ATP6V0D2: variants seen among roughly 807,000 people sequenced by gnomAD.
ATP6V0D2 encodes the protein ATPase H+ transporting V0 subunit d2, also known as V-type proton ATPase subunit d 2.
Under a neutral mutation model 40.0 loss-of-function variants are expected in ATP6V0D2, and 40 were observed. That is an observed-to-expected ratio of 1.00 (90% confidence interval 0.78 to 1.30). The LOEUF (loss-of-function observed/expected upper bound fraction) is 1.30, where lower values mean the gene tolerates loss of function less well. Among genes scored for constraint, ATP6V0D2 ranks in the 50% most tolerant of loss-of-function variants. The pLI, the probability that ATP6V0D2 is intolerant of heterozygous loss-of-function variation, is 0.00. For synonymous variants in ATP6V0D2, 179 were observed against 156.3 expected (o/e 1.15, Z -1.08); for missense variants, 470 against 423.1 (o/e 1.11, Z -0.97).
chr8:86,127,905 C>T (rs1437467763), intron 2 of ATP6V0D2, among the ~76,000 whole-genome samples: 1 of 152,144 alleles, frequency 6.6e-6, no homozygotes, highest in Non-Finnish European at 1.5e-5. Flanking sequence ...CTGTAGCAAT[C>T]AAGGCCTGAT....
At chr8:86,103,265 G>A (rs1204447256) in intron 1 of ATP6V0D2, among the ~76,000 whole-genome samples, 1 of 150,508 alleles carries the variant, frequency 6.6e-6, no homozygotes, top group Non-Finnish European at 1.5e-5. Context: ...TTACAGGCAT[G>A]TGCCACCATG....
In ATP6V0D2 at chr8:86,123,657, T is replaced by C. The variant is rs547071732; in HGVS notation, c.302+9777T>C. 4.2e-4 allele frequency among the ~76,000 whole-genome samples: 64 copies of C among 152,296 alleles called. No homozygotes were observed. The South Asian group carries it at 4.6e-3, about 11-fold the overall frequency. On this transcript the variant is annotated intron_variant, in intron 2 of 7. Coordinates refer to ENST00000285393, the MANE Select transcript of ATP6V0D2 (RefSeq NM_152565.1). ...GAAAGCAGACAATAATTCCTGGGAA[T>C]TCTAAGTTAAGGAAAGAAAGGATTT...
rs550666723 is a variant in ATP6V0D2 at position 86,141,207 on chromosome 8, G to A, written c.482-243G>A. Among the ~76,000 whole-genome samples the A allele has an allele frequency of 1.4e-4, 22 of 152,332 alleles. No homozygotes were observed. In the East Asian group the frequency reaches 3.9e-3, roughly 27 times the overall value. ...TCAGTTACTAACAGGCCACGGACTG[G>A]TGTTGGTCTGTGGCCTGGGGGTTGG... On this transcript the variant is annotated intron_variant, in intron 3 of 7. Coordinates refer to ENST00000285393, the MANE Select transcript of ATP6V0D2 (RefSeq NM_152565.1).
chr8:86,117,353 T>G (rs371354359), intron 2 of ATP6V0D2, among the ~76,000 whole-genome samples: 2 of 152,190 alleles, frequency 1.3e-5, no homozygotes. Flanking sequence ...CATTTAAAAC[T>G]TTGGTCCATT....
At chr8:86,129,020 C>T (rs1818781167) in intron 2 of ATP6V0D2, among the ~76,000 whole-genome samples, 1 of 152,224 alleles carries the variant, frequency 6.6e-6, no homozygotes, top group Non-Finnish European at 1.5e-5. Flanking sequence ...GATGATGTGG[C>T]TTATAATTTC....
chr8:86,141,420 A>AT, intron 3 of ATP6V0D2, 30 bp from the exon 4 acceptor site: 1 of 1,575,036 alleles, frequency 6.3e-7, no homozygotes, highest in Non-Finnish European at 8.7e-7. Context: ...CTTAAGATTC[A>AT]TTTTTTGGTA....
intron 2 of ATP6V0D2, among the ~76,000 whole-genome samples, chr8:86,128,050 T>G (rs536422256): frequency 6.6e-6 from 1 of 152,198 alleles, no homozygotes; most frequent in South Asian, 2.1e-4. Flanking sequence ...CCACTTGGGT[T>G]TGGATGACAA....
In ATP6V0D2 at chr8:86,154,148, C is replaced by G. The variant is rs935753062; in HGVS notation, c.*1171C>G. 1 of 152,132 alleles carries G rather than the reference C, an allele frequency of 6.6e-6. No individual in the cohort carries two copies. The highest frequency in any genetic ancestry group is 1.5e-5 in the Non-Finnish European group (1 of 68,018). The allele number at this position is 152,132 out of a possible 1,614,324, so 9.4% of individuals were successfully genotyped here. A position where few individuals can be genotyped will look rare whatever the true frequency, so the allele number is the denominator to read the frequency against. ...AAAGCAACACAATTTCAAATCCTAT[C>G]TTCTAGATGCAAGCAGTGTTAAATT... On this transcript the variant is annotated 3_prime_UTR_variant, in exon 8 of 8. Transcript: ENST00000285393.
intron 2 of ATP6V0D2, among the ~76,000 whole-genome samples, chr8:86,136,411 G>C (rs1484668183): frequency 6.6e-6 from 1 of 152,082 alleles, no homozygotes; most frequent in Non-Finnish European, 1.5e-5. Flanking sequence ...CATTGCAGGG[G>C]AGGTTGTGGG....
At chr8:86,152,083 C>T (rs545261576) in intron 7 of ATP6V0D2, among the ~76,000 whole-genome samples, 2 of 151,982 alleles carry the variant, frequency 1.3e-5, no homozygotes, top group Non-Finnish European at 2.9e-5. Context: ...CTATTCCCCC[C>T]ACCGACAGGC....
chr8:86,115,597 C>A (rs1352164119), intron 2 of ATP6V0D2, among the ~76,000 whole-genome samples: 1 of 151,548 alleles, frequency 6.6e-6, no homozygotes, highest in Non-Finnish European at 1.5e-5. Context: ...CTCGAGCTTC[C>A]AACCGCAGGT....
intron 2 of ATP6V0D2, among the ~76,000 whole-genome samples, chr8:86,133,787 C>T (rs1168153411): frequency 6.6e-6 from 1 of 152,028 alleles, no homozygotes; most frequent in African/African-American, 2.4e-5. Flanking sequence ...GGGCCTTTGA[C>T]CACCTCCCAG....
At chr8:86,126,148 G>T (rs938651165) in intron 2 of ATP6V0D2, among the ~76,000 whole-genome samples, 4 of 147,598 alleles carry the variant, frequency 2.7e-5, no homozygotes, top group Non-Finnish European at 4.5e-5. Context: ...TGTTGGCAAG[G>T]CTGGTCTCGA....
At chr8:86,099,136 A>AAAT in intron 1 of ATP6V0D2, 28 bp downstream of exon 1, 2 of 1,546,688 alleles carry the variant, frequency 1.3e-6, no homozygotes, top group Non-Finnish European at 8.7e-7. Flanking sequence ...CACCCTTTAA[A>AAAT]AAGAAAAAAA....
At chr8:86,108,944 C>T (rs1293472516) in intron 1 of ATP6V0D2, among the ~76,000 whole-genome samples, 1 of 152,096 alleles carries the variant, frequency 6.6e-6, no homozygotes, top group African/African-American at 2.4e-5. Flanking sequence ...ATGGTGTAAT[C>T]TATTTTTTTT....
intron 3 of ATP6V0D2, among the ~76,000 whole-genome samples, chr8:86,140,049 T>G (rs1223553319): frequency 6.6e-6 from 1 of 152,256 alleles, no homozygotes; most frequent in African/African-American, 2.4e-5. Flanking sequence ...TTTAAATTTT[T>G]GTCTAGATAA....
intron 6 of ATP6V0D2, among the ~76,000 whole-genome samples, chr8:86,150,623 A>G (rs2129645981): frequency 6.6e-6 from 1 of 152,240 alleles, no homozygotes; most frequent in East Asian, 1.9e-4. Context: ...AACGTTATGT[A>G]AAATAGTCTA....
At position 86,141,529 on chromosome 8, in the gene ATP6V0D2, G is replaced by A. The variant is rs145336775; in HGVS notation, c.561G>A (p.Lys187=). 1,555 of 1,579,738 alleles carry A rather than the reference G, an allele frequency of 9.8e-4. 5 individuals are homozygous for A. Among genetic ancestry groups the A allele is most frequent in the Non-Finnish European group, 9.6e-4 (1,111 of 1,156,276 alleles). Residue 187 remains lysine (K), a splice_region_variant and synonymous_variant, in exon 4 of 8, where the codon AAG becomes AAA. Transcript: ENST00000285393. ...AATTGCTACGCAATAAACTATACAAGGTAATGGTTTTCCCAAATATTGTCT... is the reference window on the plus strand; with the variant it reads ...AATTGCTACGCAATAAACTATACAAAGTAATGGTTTTCCCAAATATTGTCT... ...NIELLRNKLY[K]SYLEAFYKFC...
chr8:86,140,986 T>G (rs1818963269), intron 3 of ATP6V0D2, among the ~76,000 whole-genome samples: 1 of 152,142 alleles, frequency 6.6e-6, no homozygotes, highest in South Asian at 2.1e-4. Context: ...CATCAGGCAT[T>G]AGACTCTCAT....
Sources: allele counts gnomAD v4.1 joint callset (sites outside exome capture counted in the v4.1 genomes callset), GRCh38; gene constraint gnomAD v4.1.1; transcripts MANE v1.5; gene names NCBI Gene and HGNC (gene_info 2026-07-23, HGNC 2026-07-21).